The following CTNNA3 variants were observed in gnomAD, a reference collection of about 807,000 sequenced individuals.
The protein encoded by CTNNA3 is catenin alpha-3.
A neutral mutation model predicts 95.7 loss-of-function variants in CTNNA3; 76 were observed. That is an observed-to-expected ratio of 0.79 (90% CI 0.66 to 0.96). The LOEUF is 0.96. Among genes scored for constraint, CTNNA3 ranks in the 40% least tolerant of loss-of-function variants. The pLI, the probability that CTNNA3 is intolerant of heterozygous loss-of-function variation, is 0.00. For missense variants in CTNNA3, 1,191 were observed against 1,089.8 expected, an observed-to-expected ratio of 1.09 and a Z score of -1.31; for synonymous variants, 431 against 374.4, an observed-to-expected ratio of 1.15 and a Z score of -1.74.
intron 1 of CTNNA3, among the ~76,000 whole-genome samples, chr10:67,738,906 G>C (rs974981862): frequency 2.6e-5 from 4 of 152,258 alleles, no homozygotes; most frequent in Admixed American, 2.6e-4. Context: ...AGAATAAAAA[G>C]AAATGAACAA....
chr10:66,523,656 C>T (rs751570693), intron 10 of CTNNA3, among the ~76,000 whole-genome samples: 17 of 151,946 alleles, frequency 1.1e-4, no homozygotes, highest in Admixed American at 6.6e-5. Flanking sequence ...ATTTACATGT[C>T]GGTCACTTGA....
chr10:67,607,001 C>T lies in CTNNA3; in HGVS notation c.148G>A (p.Gly50Arg), dbSNP rs770925969. ...CPQNPSSRKK[G>R]RSKRASVLLA... Reference sequence around the variant, plus strand: ...AGGACACTGGCTCTTTTCGAACGTCCTTTTTTCCTGCTGGAAGGGTTCTGG... The same window carrying T: ...AGGACACTGGCTCTTTTCGAACGTCTTTTTTTCCTGCTGGAAGGGTTCTGG... The change falls in exon 3 of 18, where the codon GGA (glycine) becomes AGA (arginine). Residue 50 changes from glycine to arginine, a missense_variant. Gly to Arg is a moderately radical substitution (Grantham distance 125). Coordinates refer to ENST00000433211, the MANE Select transcript of CTNNA3 (RefSeq NM_013266.4). 1.9e-6 allele frequency: 3 copies of T among 1,614,026 alleles called. No homozygotes were observed. Among genetic ancestry groups the T allele is most frequent in the Admixed American group, 1.7e-5 (1 of 60,018 alleles).
Position 67,539,669 on chromosome 10 carries a change from C to G in CTNNA3, c.293G>C (p.Ser98Thr). The change falls in exon 4 of 18, where the codon AGT (serine) becomes ACT (threonine). Residue 98 changes from serine (S) to threonine (T), a missense_variant and splice_region_variant. Ser to Thr is a moderately conservative substitution (Grantham distance 58, BLOSUM62 1). Coordinates refer to ENST00000433211, the MANE Select transcript of CTNNA3 (RefSeq NM_013266.4). The stretch of plus-strand genomic sequence containing the variant: ...CTCAGCTGATACTTTCAGAGCTTCA[C>G]CTGAAAAATACAACCCCATATAAGT... ...TASLEEVRKE[S>T]EALKVSAERF... The G allele has an allele frequency of 6.2e-7, 1 of 1,612,970 alleles. No individual in the cohort carries two copies. Among genetic ancestry groups the G allele is most frequent in the South Asian group, 1.1e-5 (1 of 91,036 alleles).
rs61113803 is a variant in CTNNA3, at chr10:66,263,244, A to G, written c.1884+17226T>C. Among the ~76,000 whole-genome samples the G allele has an allele frequency of 2.3e-3, 343 of 152,070 alleles. 2 individuals carry two copies. The highest frequency in any genetic ancestry group is 7.9e-3 in the African/African-American group (328 of 41,542). On this transcript the variant is annotated intron_variant, in intron 13 of 17. Transcript: ENST00000433211. Reference sequence around the variant, plus strand: ...AGTCTCTCCAAAAAAATCTAAAGAAAATATTTTCAGAAAGTGCACAAGGCA... The same window carrying G: ...AGTCTCTCCAAAAAAATCTAAAGAAGATATTTTCAGAAAGTGCACAAGGCA...
intron 15 of CTNNA3, among the ~76,000 whole-genome samples, chr10:66,061,489 T>C (rs1188938646): frequency 6.6e-6 from 1 of 152,148 alleles, no homozygotes; most frequent in Non-Finnish European, 1.5e-5. Context: ...GTGCCACGCA[T>C]AAATGCCTGT....
At chr10:66,249,425 G>C (rs2090461682) in intron 13 of CTNNA3, among the ~76,000 whole-genome samples, 1 of 152,002 alleles carries the variant, frequency 6.6e-6, no homozygotes, top group Non-Finnish European at 1.5e-5. Context: ...CAACTCTATA[G>C]GAAAAAATCT....
At chr10:65,978,147 GT>G (rs2078243926) in intron 16 of CTNNA3, among the ~76,000 whole-genome samples, 1 of 150,852 alleles carries the variant, frequency 6.6e-6, no homozygotes. Flanking sequence ...CTCCTTTTTT[GT>G]TTATGAATAT....
At chr10:66,855,283 A>G (rs1464599402) in intron 7 of CTNNA3, among the ~76,000 whole-genome samples, 1 of 152,016 alleles carries the variant, frequency 6.6e-6, no homozygotes, top group Non-Finnish European at 1.5e-5. Flanking sequence ...TTACCACAGA[A>G]CAATTAAATC....
At chr10:65,926,014 A>T (rs189697594) in intron 17 of CTNNA3, among the ~76,000 whole-genome samples, 68 of 150,278 alleles carry the variant, frequency 4.5e-4, no homozygotes, top group African/African-American at 1.7e-3. Context: ...CTTATATATT[A>T]ATATGTAATG....
At chr10:66,456,291 T>C (rs1199116573) in intron 11 of CTNNA3, among the ~76,000 whole-genome samples, 1 of 152,136 alleles carries the variant, frequency 6.6e-6, no homozygotes, top group Admixed American at 6.6e-5. Flanking sequence ...AAATTTACTG[T>C]AAAGCTACTG....
chr10:66,077,629 A>T (rs1316334492), intron 14 of CTNNA3, among the ~76,000 whole-genome samples: 1 of 151,844 alleles, frequency 6.6e-6, no homozygotes, highest in East Asian at 1.9e-4. Context: ...ACAGAAATTT[A>T]CACTTAAGTG....
At chr10:66,248,050 T>A (rs1407382165) in intron 13 of CTNNA3, among the ~76,000 whole-genome samples, 1 of 152,178 alleles carries the variant, frequency 6.6e-6, no homozygotes, top group African/African-American at 2.4e-5. Flanking sequence ...GGATTACATC[T>A]TTTCAAGACA....
chr10:66,466,479 A>C (rs1838921958), intron 11 of CTNNA3, among the ~76,000 whole-genome samples: 1 of 151,628 alleles, frequency 6.6e-6, no homozygotes, highest in Non-Finnish European at 1.5e-5. Flanking sequence ...GTGACCTATA[A>C]ATTCCTCATG....
At chr10:67,319,678 T>C (rs1393350400) in intron 5 of CTNNA3, among the ~76,000 whole-genome samples, 1 of 151,960 alleles carries the variant, frequency 6.6e-6, no homozygotes, top group Admixed American at 6.6e-5. Flanking sequence ...GATGGATCAC[T>C]TGAGGTCAGG....
intron 12 of CTNNA3, among the ~76,000 whole-genome samples, chr10:66,358,346 T>C (rs1186333199): frequency 6.7e-6 from 1 of 149,888 alleles, no homozygotes; most frequent in Non-Finnish European, 1.5e-5. Context: ...AGCCAGGAAA[T>C]ATGGGGAAAA....
intron 13 of CTNNA3, among the ~76,000 whole-genome samples, chr10:66,235,047 G>A (rs2089783204): frequency 2.6e-5 from 4 of 152,188 alleles, no homozygotes; most frequent in Admixed American, 6.5e-5. Context: ...CGTAAGCTTC[G>A]AAGCAGACCT....
chr10:66,529,454 T>TG (rs1028385233), intron 10 of CTNNA3, among the ~76,000 whole-genome samples: 4 of 151,376 alleles, frequency 2.6e-5, no homozygotes, highest in African/African-American at 9.7e-5. Flanking sequence ...TTTTTTGTTT[T>TG]TTTTTTTTAA....
At chr10:67,348,700 G>C (rs2065425042) in intron 5 of CTNNA3, among the ~76,000 whole-genome samples, 1 of 152,150 alleles carries the variant, frequency 6.6e-6, no homozygotes, top group South Asian at 2.1e-4. Context: ...ACAGCACCAA[G>C]ATTTTCATAA....
intron 5 of CTNNA3, among the ~76,000 whole-genome samples, chr10:67,380,731 G>A (rs946322125): frequency 6.6e-6 from 1 of 152,180 alleles, no homozygotes; most frequent in Non-Finnish European, 1.5e-5. Context: ...ATGAAGAAGT[G>A]GAGGCCAGAG....
Sources: gnomAD v4.1 joint callset for allele counts (sites outside exome capture counted in the v4.1 genomes callset) on GRCh38, gnomAD v4.1.1 for gene constraint, MANE v1.5 for transcripts, NCBI Gene and HGNC (gene_info 2026-07-23, HGNC 2026-07-21) for gene names.